Variants in RASEF observed in about 807,000 individuals in gnomAD.
The protein encoded by RASEF is ras and EF-hand domain-containing protein.
A neutral mutation model predicts 90.1 loss-of-function variants in RASEF; 68 were observed. That is an observed-to-expected ratio of 0.75 (90% CI 0.62 to 0.92). RASEF has a LOEUF of 0.92. RASEF is among the 40% of genes least tolerant of loss of function. The probability of loss-of-function intolerance (pLI) is 0.00; values close to 1 mark genes in which losing one functional copy is unlikely to be tolerated. For missense variants in RASEF, 949 were observed against 937.2 expected, an observed-to-expected ratio of 1.01 and a Z score of -0.16; for synonymous variants, 331 against 345.2, an observed-to-expected ratio of 0.96 and a Z score of 0.46.
At chr9:83,045,114 G>A (rs1829904817) in intron 1 of RASEF, among the ~76,000 whole-genome samples, 2 of 152,106 alleles carry the variant, frequency 1.3e-5, no homozygotes, top group African/African-American at 4.8e-5. Context: ...TAAATAATAT[G>A]TAAAGAGATA....
At chr9:83,137,802 A>AG in the RASEF span, among the ~76,000 whole-genome samples, 2 of 150,784 alleles carry the variant, frequency 1.3e-5, no homozygotes, top group African/African-American at 4.9e-5. Flanking sequence ...ATTGAAAAAA[A>AG]AAAATGAATA....
At chr9:83,159,046 C>T in the RASEF span, among the ~76,000 whole-genome samples, 9 of 151,898 alleles carry the variant, frequency 5.9e-5, no homozygotes, top group Non-Finnish European at 1.2e-4. Flanking sequence ...ATTAGCCAGG[C>T]GTGGTGGCAG....
At chr9:83,128,427 GT>G in the RASEF span, among the ~76,000 whole-genome samples, 1 of 148,778 alleles carries the variant, frequency 6.7e-6, no homozygotes, top group Non-Finnish European at 1.5e-5. Flanking sequence ...TTTCTACACT[GT>G]CGTGCCCAAT....
chr9:83,120,819 G>A, the RASEF span, among the ~76,000 whole-genome samples: 14 of 152,258 alleles, frequency 9.2e-5, no homozygotes, highest in African/African-American at 3.4e-4. Flanking sequence ...AAAGGAAGGT[G>A]ATACAGCATT....
the RASEF span, among the ~76,000 whole-genome samples, chr9:83,152,770 A>G: frequency 6.6e-6 from 1 of 152,146 alleles, no homozygotes; most frequent in Non-Finnish European, 1.5e-5. Flanking sequence ...TCAGGAAACT[A>G]TAACTGAAAC....
At chr9:83,131,635 A>C in the RASEF span, among the ~76,000 whole-genome samples, 17 of 152,206 alleles carry the variant, frequency 1.1e-4, no homozygotes, top group Non-Finnish European at 2.4e-4. Context: ...GATCACTTCT[A>C]AATCTCTTAA....
chr9:83,042,040 T>C (rs1829853053), intron 1 of RASEF, among the ~76,000 whole-genome samples: 1 of 152,224 alleles, frequency 6.6e-6, no homozygotes, highest in South Asian at 2.1e-4. Flanking sequence ...TTCAGTAAGC[T>C]GTATATTTAC....
the RASEF span, among the ~76,000 whole-genome samples, chr9:83,108,116 C>T: frequency 1.5e-3 from 225 of 152,154 alleles, 2 homozygotes; most frequent in African/African-American, 5.0e-3. Context: ...AGGGAGCTCT[C>T]TGGGGTGATG....
At chr9:83,206,435 G>A in the RASEF span, among the ~76,000 whole-genome samples, 1 of 152,192 alleles carries the variant, frequency 6.6e-6, no homozygotes. Context: ...ACAGCAAAAT[G>A]AATAGAATCA....
chr9:83,043,523 T>C (rs1829877426), intron 1 of RASEF, among the ~76,000 whole-genome samples: 1 of 152,230 alleles, frequency 6.6e-6, no homozygotes, highest in Non-Finnish European at 1.5e-5. Context: ...TGTGTGCTTT[T>C]TTTGCATGTG....
the RASEF span, among the ~76,000 whole-genome samples, chr9:83,087,184 T>A: frequency 6.6e-6 from 1 of 152,144 alleles, no homozygotes; most frequent in African/African-American, 2.4e-5. Flanking sequence ...GGTAGGGACA[T>A]TGAAGACAAA....
At chr9:83,199,860 C>T in the RASEF span, among the ~76,000 whole-genome samples, 2 of 152,098 alleles carry the variant, frequency 1.3e-5, no homozygotes, top group Non-Finnish European at 2.9e-5. Flanking sequence ...TGGAACTGGA[C>T]TAGGAGCTAG....
rs1829005976 is a variant in RASEF, at chr9:83,000,300, T to A, written c.1592A>T (p.Asp531Val). 1 of 1,613,922 alleles carries A rather than the reference T, an allele frequency of 6.2e-7. No individual in the cohort carries two copies. Among genetic ancestry groups the A allele is most frequent in the South Asian group, 1.1e-5 (1 of 91,000 alleles). Residue 531 changes from aspartate (D) to valine (V), a missense_variant, in exon 12 of 17, where the codon GAC (aspartate) becomes GTC (valine). Physicochemically the swap from Asp to Val is radical, Grantham distance 152. Transcript: ENST00000376447. The part of the protein sequence containing the change: ...ALSPQTDLVD[D>V]NAKSFSSQKA... ...CTGTGAGCTAAAAGATTTAGCGTTG[T>A]CATCTACCAGGTCTGTCTGGGGGGA...
At chr9:83,096,985 G>C in the RASEF span, among the ~76,000 whole-genome samples, 3 of 151,958 alleles carry the variant, frequency 2.0e-5, no homozygotes, top group African/African-American at 7.2e-5. Context: ...TGGCTGCATA[G>C]TATTCCATGG....
chr9:83,190,318 AT>A, the RASEF span, among the ~76,000 whole-genome samples: 789 of 151,894 alleles, frequency 5.2e-3, 4 homozygotes, highest in African/African-American at 0.013. Context: ...ACACTATATG[AT>A]TTTTTTTTAA....
intron 1 of RASEF, among the ~76,000 whole-genome samples, chr9:83,060,697 C>T (rs958015381): frequency 1.3e-5 from 2 of 152,192 alleles, no homozygotes; most frequent in Non-Finnish European, 2.9e-5. Context: ...ACCAAAACAG[C>T]GGATGGCTGC....
chr9:83,144,885 T>C, the RASEF span, among the ~76,000 whole-genome samples: 1 of 152,310 alleles, frequency 6.6e-6, no homozygotes, highest in South Asian at 2.1e-4. Context: ...AAGGATAATC[T>C]GTTACTTTAA....
At chr9:83,158,570 G>A in the RASEF span, among the ~76,000 whole-genome samples, 5 of 146,418 alleles carry the variant, frequency 3.4e-5, no homozygotes, top group Non-Finnish European at 6.0e-5. Flanking sequence ...ATACATATAT[G>A]TATATATGTT....
the RASEF span, among the ~76,000 whole-genome samples, chr9:83,164,373 A>ATG: frequency 0.01 from 1,429 of 141,900 alleles, 15 homozygotes; most frequent in Non-Finnish European, 0.012. Flanking sequence ...ATATATATAT[A>ATG]TGTGTGTGTG....
Sources: gnomAD v4.1 joint callset for allele counts (sites outside exome capture counted in the v4.1 genomes callset) on GRCh38, gnomAD v4.1.1 for gene constraint, MANE v1.5 for transcripts, NCBI Gene and HGNC (gene_info 2026-07-23, HGNC 2026-07-21) for gene names.